The following CNTNAP5 variants were observed in gnomAD, a reference collection of about 807,000 sequenced individuals.
The protein encoded by CNTNAP5 is contactin associated protein family member 5.
A neutral mutation model predicts 150.2 loss-of-function variants in CNTNAP5; 72 were observed. That is an observed-to-expected ratio of 0.48 (90% CI 0.40 to 0.58). CNTNAP5 has a LOEUF of 0.58. Ranked by LOEUF, CNTNAP5 falls within the 20% of genes least tolerant of loss-of-function variation. The pLI is 0.00. For missense variants in CNTNAP5, 1,636 were observed against 1,626.2 expected (o/e 1.01, Z -0.10); for synonymous variants, 672 against 619.8 (o/e 1.08, Z -1.25).
chr2:124,853,387 C>A (rs1353540824), intron 19 of CNTNAP5, among the ~76,000 whole-genome samples: 1 of 152,150 alleles, frequency 6.6e-6, no homozygotes, highest in Non-Finnish European at 1.5e-5. Context: ...CTTTCTTTAA[C>A]ATTTCATTCC....
chr2:124,264,847 C>T (rs1167698718), intron 3 of CNTNAP5, among the ~76,000 whole-genome samples: 1 of 152,208 alleles, frequency 6.6e-6, no homozygotes, highest in Non-Finnish European at 1.5e-5. Context: ...CTATGCGTGT[C>T]TACTTGTGTC....
intron 3 of CNTNAP5, among the ~76,000 whole-genome samples, chr2:124,255,714 T>A (rs1382555553): frequency 1.3e-5 from 2 of 151,972 alleles, no homozygotes; most frequent in Non-Finnish European, 2.9e-5. Context: ...TTAAGAGAGG[T>A]GCCAAGTACA....
At chr2:124,592,113 G>A (rs1696698213) in intron 11 of CNTNAP5, among the ~76,000 whole-genome samples, 1 of 152,036 alleles carries the variant, frequency 6.6e-6, no homozygotes, top group Non-Finnish European at 1.5e-5. Context: ...TATTCAACTA[G>A]TCCTCAATTG....
chr2:124,405,483 T>C (rs1040071810), intron 3 of CNTNAP5, among the ~76,000 whole-genome samples: 1 of 152,152 alleles, frequency 6.6e-6, no homozygotes, highest in African/African-American at 2.4e-5. Flanking sequence ...GGGAGTGAAG[T>C]AAAAGGGTCA....
intron 1 of CNTNAP5, among the ~76,000 whole-genome samples, chr2:124,175,592 C>G (rs1343213552): frequency 2.0e-5 from 3 of 152,130 alleles, no homozygotes; most frequent in Admixed American, 6.6e-5. Context: ...CCCTTGCCCC[C>G]ACCCAAGTAG....
chr2:124,877,072 C>T (rs1375975608), intron 21 of CNTNAP5, among the ~76,000 whole-genome samples: 1 of 151,800 alleles, frequency 6.6e-6, no homozygotes, highest in African/African-American at 2.4e-5. Flanking sequence ...ATTTTTTCCC[C>T]ACAGAGAAAT....
chr2:124,134,637 A>G (rs1421402162), intron 1 of CNTNAP5, among the ~76,000 whole-genome samples: 1 of 152,196 alleles, frequency 6.6e-6, no homozygotes, highest in Non-Finnish European at 1.5e-5. Flanking sequence ...GGGCCCAGAA[A>G]TCATGCAGAT....
chr2:124,474,392 G>A (rs985538067), intron 6 of CNTNAP5, among the ~76,000 whole-genome samples: 1 of 151,896 alleles, frequency 6.6e-6, no homozygotes, highest in African/African-American at 2.4e-5. Flanking sequence ...CTTTAGTATG[G>A]CCATATCTTT....
intron 13 of CNTNAP5, among the ~76,000 whole-genome samples, chr2:124,745,885 C>G (rs1289987260): frequency 6.6e-6 from 1 of 152,178 alleles, no homozygotes; most frequent in Non-Finnish European, 1.5e-5. Flanking sequence ...GTTGCCTGGT[C>G]TCTTCCTACT....
At chr2:124,068,527 GAC>G (rs1682220041) in intron 1 of CNTNAP5, among the ~76,000 whole-genome samples, 1 of 152,004 alleles carries the variant, frequency 6.6e-6, no homozygotes, top group East Asian at 1.9e-4. Flanking sequence ...GGCAAACTAG[GAC>G]ACAGGAATGG....
At chr2:124,137,366 G>C (rs1469888194) in intron 1 of CNTNAP5, among the ~76,000 whole-genome samples, 1 of 151,760 alleles carries the variant, frequency 6.6e-6, no homozygotes, top group African/African-American at 2.4e-5. Flanking sequence ...TGAAAAAGGA[G>C]GAAATACAAG....
chr2:124,457,922 G>A (rs1365766476), intron 6 of CNTNAP5, among the ~76,000 whole-genome samples: 1 of 151,798 alleles, frequency 6.6e-6, no homozygotes, highest in East Asian at 1.9e-4. Flanking sequence ...AGTAGATGTT[G>A]GCATGGATAT....
intron 13 of CNTNAP5, among the ~76,000 whole-genome samples, chr2:124,723,084 A>G (rs1680079933): frequency 6.6e-6 from 1 of 152,166 alleles, no homozygotes. Flanking sequence ...CTTTTTGGCA[A>G]TATGGACAGG....
chr2:124,218,855 T>G (rs1198060113), intron 1 of CNTNAP5, among the ~76,000 whole-genome samples: 2 of 152,182 alleles, frequency 1.3e-5, no homozygotes, highest in Non-Finnish European at 2.9e-5. Context: ...GAAAGTCTCC[T>G]AAATTTCCTC....
chr2:124,338,232 G>A (rs1385141053), intron 3 of CNTNAP5, among the ~76,000 whole-genome samples: 14 of 152,124 alleles, frequency 9.2e-5, no homozygotes, highest in Admixed American at 9.2e-4. Context: ...CTGAGACTTT[G>A]CTGAAGTTGC....
At chr2:124,310,672 G>A (rs994934434) in intron 3 of CNTNAP5, among the ~76,000 whole-genome samples, 1 of 151,692 alleles carries the variant, frequency 6.6e-6, no homozygotes, top group African/African-American at 2.4e-5. Context: ...TTAGAAGGTT[G>A]TCAAAGGCCC....
intron 1 of CNTNAP5, among the ~76,000 whole-genome samples, chr2:124,094,583 C>T (rs1682890771): frequency 6.6e-6 from 1 of 152,174 alleles, no homozygotes; most frequent in African/African-American, 2.4e-5. Context: ...TATAGATAGA[C>T]TCAAAGTTTC....
At chr2:124,747,604 G>T (rs1680633394) in intron 14 of CNTNAP5, among the ~76,000 whole-genome samples, 1 of 140,960 alleles carries the variant, frequency 7.1e-6, no homozygotes, top group East Asian at 2.1e-4. Flanking sequence ...ACCATCAGCT[G>T]CTGCTTCTTC....
intron 3 of CNTNAP5, among the ~76,000 whole-genome samples, chr2:124,291,386 A>G (rs891892258): frequency 1.3e-5 from 2 of 152,144 alleles, no homozygotes; most frequent in African/African-American, 4.8e-5. Context: ...TAAACACTTA[A>G]TATTGCTATT....
Sources: allele counts gnomAD v4.1 joint callset (sites outside exome capture counted in the v4.1 genomes callset), GRCh38; gene constraint gnomAD v4.1.1; transcripts MANE v1.5; gene names NCBI Gene and HGNC (gene_info 2026-07-23, HGNC 2026-07-21).